SMYD4: variants seen among roughly 807,000 people sequenced by gnomAD.
SMYD4 encodes the protein SET and MYND domain containing 4, also known as protein-lysine N-methyltransferase SMYD4.
A neutral mutation model predicts 72.8 loss-of-function variants in SMYD4; 68 were observed. The observed-to-expected ratio is 0.93, with a 90% CI of 0.77 to 1.14. The LOEUF is 1.14. Ranked by LOEUF, SMYD4 falls within the 50% of genes most tolerant of loss-of-function variation. The probability of loss-of-function intolerance (pLI) is 0.00; values close to 1 mark genes in which losing one functional copy is unlikely to be tolerated. For synonymous variants in SMYD4, 407 were observed against 388.6 expected (o/e 1.05, Z -0.56); for missense variants, 984 against 1,003.7 (o/e 0.98, Z 0.27).
chr17:1,801,003 T>C lies in SMYD4; in HGVS notation c.391A>G (p.Arg131Gly), dbSNP rs757151668. The C allele has an allele frequency of 2.9e-5, 47 of 1,608,958 alleles. No homozygotes were observed. The highest frequency in any genetic ancestry group is 6.7e-5 in the Admixed American group (4 of 59,888). The change falls in exon 5 of 11, where the codon AGA (arginine) becomes GGA (glycine). Residue 131 changes from arginine to glycine, a missense_variant. Transcript: ENST00000305513. ...TCTGGATACCCATGTGTCTGTGCTC[T>C]GTTAATGTCTTTAAGACACGTCTGA... ...QYETCLKDIN[R>G]AQTHGYPERL...
chr17:1,816,844 C>T (rs7224818), intron 2 of SMYD4, among the ~76,000 whole-genome samples: 149,029 of 151,984 alleles, frequency 0.98, 73,215 homozygotes, highest in Non-Finnish European at 1. Flanking sequence ...TTTCGTGTGT[C>T]TACTGGCTAT....
At chr17:1,823,977 T>C (rs1464961977) in intron 2 of SMYD4, among the ~76,000 whole-genome samples, 2 of 152,160 alleles carry the variant, frequency 1.3e-5, no homozygotes, top group South Asian at 2.1e-4. Context: ...ATAGCCTAGT[T>C]TCATAGCTAA....
intron 3 of SMYD4, among the ~76,000 whole-genome samples, chr17:1,809,621 C>T (rs949206541): frequency 7.3e-5 from 11 of 151,396 alleles, no homozygotes; most frequent in Non-Finnish European, 1.3e-4. Flanking sequence ...GTGATCCACC[C>T]GCCTCGGCCT....
chr17:1,815,523 T>A (rs1910545295), intron 2 of SMYD4, among the ~76,000 whole-genome samples: 1 of 146,864 alleles, frequency 6.8e-6, no homozygotes, highest in Non-Finnish European at 1.5e-5. Context: ...TTTTTTTTAA[T>A]GTCTTCTGGA....
chr17:1,797,169 A>G (rs924792456), intron 5 of SMYD4, among the ~76,000 whole-genome samples: 3 of 152,228 alleles, frequency 2.0e-5, no homozygotes, highest in African/African-American at 7.2e-5. Flanking sequence ...TAGATGACCT[A>G]ATGTGAGATC....
Position 1,800,227 on chromosome 17 carries a change from C to G in SMYD4, c.1167G>C (p.Lys389Asn). Reference protein sequence around the residue: ...ICLPESNNQVKTLNYGLGESE... With the variant: ...ICLPESNNQVNTLNYGLGESE... ...TCTCCCCTAGGCCATAATTAAGTGT[C>G]TTGACCTGATTGTTGCTTTCAGGTA... Residue 389 changes from lysine to asparagine, a missense_variant, in exon 5 of 11, where the codon AAG becomes AAC. By Grantham distance (94) the Lys-to-Asn change is moderately conservative (BLOSUM62 0). Coordinates refer to ENST00000305513, the MANE Select transcript of SMYD4 (RefSeq NM_052928.3). 1 of 1,614,152 alleles carries G rather than the reference C, an allele frequency of 6.2e-7. No homozygotes were observed. Among genetic ancestry groups the G allele is most frequent in the East Asian group, 2.2e-5 (1 of 44,896 alleles).
At chr17:1,798,978 AT>A (rs1909554403) in intron 5 of SMYD4, among the ~76,000 whole-genome samples, 1 of 151,952 alleles carries the variant, frequency 6.6e-6, no homozygotes, top group African/African-American at 2.4e-5. Flanking sequence ...TTTCAAAAGA[AT>A]TTTTACAAAC....
At position 1,784,471 on chromosome 17, in the gene SMYD4, T is replaced by C. The variant is rs754763465; in HGVS notation, c.1885-10A>G. 1.3e-5 allele frequency: 21 copies of C among 1,614,038 alleles called. No individual in the cohort carries two copies. The highest frequency in any genetic ancestry group is 1.6e-5 in the Non-Finnish European group (19 of 1,180,010). ...GCAGCACGTCATCTCCCTGTGGAAG[T>C]CAGTTTTCTCTTTATTCCAATGCCA... On this transcript the variant is annotated splice_polypyrimidine_tract_variant and intron_variant, in intron 7 of 10. Transcript: ENST00000305513.
rs571122989 is a variant in SMYD4 at position 1,812,089 on chromosome 17, C to A, written c.161G>T (p.Arg54Ile). ...LQPEDELFLK[R>I]LSKGYLVGKD... ...TCCCACCAAGTAACCTTTAGAAAGTCTTTTTAGAAACAGCTCATCCTCAGG... is the reference window on the plus strand; with the variant it reads ...TCCCACCAAGTAACCTTTAGAAAGTATTTTTAGAAACAGCTCATCCTCAGG... Residue 54 changes from arginine (R) to isoleucine (I), a missense_variant, in exon 3 of 11, where the codon AGA (arginine) becomes ATA (isoleucine). Coordinates refer to ENST00000305513, the MANE Select transcript of SMYD4 (RefSeq NM_052928.3). 1 of 1,613,964 alleles carries A rather than the reference C, an allele frequency of 6.2e-7. No homozygotes were observed. Among genetic ancestry groups the A allele is most frequent in the Admixed American group, 1.7e-5 (1 of 59,956 alleles).
At chr17:1,823,700 G>T (rs1911013276) in intron 2 of SMYD4, among the ~76,000 whole-genome samples, 1 of 152,142 alleles carries the variant, frequency 6.6e-6, no homozygotes, top group Non-Finnish European at 1.5e-5. Flanking sequence ...CCAATCAGAG[G>T]AGTCTCATAC....
At position 1,780,618 on chromosome 17, in the gene SMYD4, TTAATA is replaced by T. The variant is rs915488507; in HGVS notation, c.*663_*667del. 6.2e-5 allele frequency: 8 copies of T among 128,118 alleles called. No homozygotes were observed. Among genetic ancestry groups the T allele is most frequent in the African/African-American group, 2.6e-4 (7 of 27,224 alleles). The allele number at this position is 128,118 out of a possible 1,614,324, so 7.9% of individuals were successfully genotyped here. A position where few individuals can be genotyped will look rare whatever the true frequency, so the allele number is the denominator to read the frequency against. On this transcript the variant is annotated 3_prime_UTR_variant, in exon 11 of 11. Coordinates refer to ENST00000305513, the MANE Select transcript of SMYD4 (RefSeq NM_052928.3). Reference sequence around the variant, plus strand: ...AACCCACATCTGGCAGCAGAACCTCTTAATATTTTTTTTTTTTCTTTGAGATGGAG... The same window carrying T: ...AACCCACATCTGGCAGCAGAACCTCTTTTTTTTTTTTTCTTTGAGATGGAG...
At chr17:1,794,067 G>A (rs12941003) in intron 5 of SMYD4, among the ~76,000 whole-genome samples, 495 of 23,144 alleles carry the variant, frequency 0.021, 4 homozygotes, top group Non-Finnish European at 0.035. Flanking sequence ...GTATATATAT[G>A]TGTATATATA....
intron 5 of SMYD4, among the ~76,000 whole-genome samples, chr17:1,791,512 T>G (rs1329813229): frequency 6.6e-6 from 1 of 151,978 alleles, no homozygotes; most frequent in African/African-American, 2.4e-5. Flanking sequence ...TTGAGAGGGA[T>G]TGGAACCCCA....
At chr17:1,822,095 ATAG>A (rs1184783271) in intron 2 of SMYD4, among the ~76,000 whole-genome samples, 1 of 150,496 alleles carries the variant, frequency 6.6e-6, no homozygotes, top group Non-Finnish European at 1.5e-5. Context: ...TTAGGCATAT[ATAG>A]TAGTGCATGC....
intron 4 of SMYD4, chr17:1,804,400 C>A: frequency 2.4e-6 from 1 of 413,952 alleles, no homozygotes; most frequent in East Asian, 4.8e-5. Flanking sequence ...TGGTCTTGAA[C>A]TCTTGACCTC....
Position 1,784,456 on chromosome 17 carries a change from A to G in SMYD4, c.1890T>C (p.Asp630=), listed in dbSNP as rs1908542882. Reference sequence around the variant, plus strand: ...ATCTGCTGCCACAGCGCAGCACGTCATCTCCCTGTGGAAGTCAGTTTTCTC... The same window carrying G: ...ATCTGCTGCCACAGCGCAGCACGTCGTCTCCCTGTGGAAGTCAGTTTTCTC... ...CNSCGAPMQG[D]DVLRCGSRSC... is the part of the protein sequence containing the mutation. Residue 630 remains aspartate, a synonymous_variant, in exon 8 of 11, where the codon GAT becomes GAC. Transcript: ENST00000305513. 1 of 1,614,188 alleles carries G rather than the reference A, an allele frequency of 6.2e-7. No individual in the cohort carries two copies. The highest frequency in any genetic ancestry group is 1.7e-5 in the Admixed American group (1 of 60,026).
At chr17:1,815,706 G>GTTT (rs112578899) in intron 2 of SMYD4, among the ~76,000 whole-genome samples, 116 of 145,386 alleles carry the variant, frequency 8.0e-4, no homozygotes, top group African/African-American at 2.5e-3. Flanking sequence ...GCAATCTAAT[G>GTTT]TTTTTTTTTT....
chr17:1,824,567 C>T (rs1911061861), intron 2 of SMYD4, among the ~76,000 whole-genome samples: 1 of 151,976 alleles, frequency 6.6e-6, no homozygotes, highest in South Asian at 2.1e-4. Context: ...TTTCCCCATG[C>T]TGTTCTCGTG....
At position 1,797,059 on chromosome 17, in the gene SMYD4, T is replaced by C. The variant is rs1025416617; in HGVS notation, c.1537+2798A>G. Among the ~76,000 whole-genome samples the C allele has an allele frequency of 3.3e-5, 5 of 152,282 alleles. No homozygotes were observed. In the South Asian group the frequency reaches 1.0e-3, roughly 32 times the overall value. ...AGCTTCAGGATGGGGAAGAGAATCT[T>C]GGCCAAAACATGTCTACTGAGATAC... On this transcript the variant is annotated intron_variant, in intron 5 of 10. Transcript: ENST00000305513.
Sources: allele counts gnomAD v4.1 joint callset (sites outside exome capture counted in the v4.1 genomes callset), GRCh38; gene constraint gnomAD v4.1.1; transcripts MANE v1.5; gene names NCBI Gene and HGNC (gene_info 2026-07-23, HGNC 2026-07-21).